The following CALCR variants were observed in gnomAD, a reference collection of about 807,000 sequenced individuals.
CALCR encodes calcitonin receptor.
Under a neutral mutation model 59.5 loss-of-function variants are expected in CALCR, and 47 were observed. That is an observed-to-expected ratio of 0.79 (90% CI 0.63 to 1.01). The LOEUF is 1.01. Among genes scored for constraint, CALCR ranks in the 50% least tolerant of loss-of-function variants. The probability of loss-of-function intolerance (pLI) is 0.00; values close to 1 mark genes in which losing one functional copy is unlikely to be tolerated. For synonymous variants in CALCR, 213 were observed against 211.3 expected (o/e 1.01, Z -0.07); for missense variants, 566 against 597.1 (o/e 0.95, Z 0.54).
chr7:93,518,674 A>G (rs1247724541), intron 2 of CALCR, among the ~76,000 whole-genome samples: 1 of 151,972 alleles, frequency 6.6e-6, no homozygotes, highest in Non-Finnish European at 1.5e-5. Context: ...AGAAACAGCA[A>G]AAAACTAGAA....
chr7:93,495,075 G>A (rs546762053), intron 2 of CALCR, among the ~76,000 whole-genome samples: 55 of 151,460 alleles, frequency 3.6e-4, no homozygotes, highest in South Asian at 1.0e-3. Context: ...ACCTTCAGGA[G>A]AATAGCTGAC....
chr7:93,511,081 T>TTCTCTCTCTCTC (rs1210781088), intron 2 of CALCR, among the ~76,000 whole-genome samples: 3 of 143,294 alleles, frequency 2.1e-5, no homozygotes, highest in African/African-American at 7.7e-5. Flanking sequence ...CTCTCTCTCT[T>TTCTCTCTCTCTC]TCTCTCTCTC....
chr7:93,512,597 C>T (rs1243593498), intron 2 of CALCR, among the ~76,000 whole-genome samples: 3 of 152,108 alleles, frequency 2.0e-5, no homozygotes, highest in Admixed American at 6.6e-5. Context: ...CAGGGACATC[C>T]TCTTGCTTAA....
chr7:93,532,179 C>T (rs981355294), intron 2 of CALCR, among the ~76,000 whole-genome samples: 1 of 151,860 alleles, frequency 6.6e-6, no homozygotes, highest in African/African-American at 2.4e-5. Context: ...TTCAAAAGTT[C>T]CCTCTTTTTC....
intron 8 of CALCR, among the ~76,000 whole-genome samples, chr7:93,447,417 T>C (rs978070514): frequency 5.9e-5 from 9 of 151,884 alleles, no homozygotes; most frequent in Admixed American, 5.9e-4. Context: ...TAGCAAAGAG[T>C]GCCTCCAAAT....
intron 3 of CALCR, 44 bp from the exon 4 acceptor site, chr7:93,479,551 G>A: frequency 1.3e-6 from 2 of 1,537,438 alleles, no homozygotes; most frequent in Non-Finnish European, 8.8e-7. Context: ...CAGGAGGAAT[G>A]GGTGAGCACA....
chr7:93,434,403 G>C, intron 12 of CALCR, 109 bp from the exon 13 acceptor site: 1 of 612,592 alleles, frequency 1.6e-6, no homozygotes, highest in Non-Finnish European at 2.8e-6. Context: ...AAAAAAAAAA[G>C]CAAGAAAAAG....
intron 8 of CALCR, among the ~76,000 whole-genome samples, chr7:93,459,749 A>G (rs546810162): frequency 6.6e-6 from 1 of 152,186 alleles, no homozygotes; most frequent in Non-Finnish European, 1.5e-5. Flanking sequence ...GAGTATAAAG[A>G]GAGAAGACTG....
chr7:93,429,936 T>TG (rs1458778565), intron 13 of CALCR, among the ~76,000 whole-genome samples: 4 of 107,850 alleles, frequency 3.7e-5, no homozygotes, highest in African/African-American at 1.4e-4. Flanking sequence ...GTTTGTTTGT[T>TG]TTTTTGTTTT....
At chr7:93,463,746 C>T (rs2299249) in intron 7 of CALCR, among the ~76,000 whole-genome samples, 61,079 of 151,714 alleles carry the variant, frequency 0.4, 12,990 homozygotes, top group South Asian at 0.49. Flanking sequence ...ATCCTCAGTA[C>T]AAATACGTCG....
chr7:93,488,169 G>A (rs1264588201), intron 2 of CALCR, among the ~76,000 whole-genome samples: 3 of 151,670 alleles, frequency 2.0e-5, no homozygotes, highest in Non-Finnish European at 3.0e-5. Flanking sequence ...AGCTTCATAA[G>A]CGAAGAAGAA....
chr7:93,574,566 G>A (rs906292277), intron 1 of CALCR, 60 bp from the exon 2 acceptor site: 7 of 152,272 alleles, frequency 4.6e-5, no homozygotes, highest in African/African-American at 1.7e-4. Flanking sequence ...CCCCTCTCCT[G>A]GTTTTCTGAC....
At chr7:93,523,429 T>C (rs889667690) in intron 2 of CALCR, among the ~76,000 whole-genome samples, 2 of 152,190 alleles carry the variant, frequency 1.3e-5, no homozygotes, top group African/African-American at 4.8e-5. Flanking sequence ...TTAGTTCCTC[T>C]CCTGGACTGT....
intron 9 of CALCR, among the ~76,000 whole-genome samples, chr7:93,443,032 C>T (rs961863130): frequency 6.6e-6 from 1 of 152,028 alleles, no homozygotes; most frequent in African/African-American, 2.4e-5. Context: ...ACAGCTTAAA[C>T]AATCCAGCCC....
rs1400481140 is a variant in CALCR at position 93,426,330 on chromosome 7, A to C, written c.*26T>G. On this transcript the variant is annotated 3_prime_UTR_variant, in exon 14 of 14. Transcript: ENST00000426151. ...TCTCCCAGGAAATGATGGCTCAGTG[A>C]TCACGATGCTGTGTTTGCTTCACAT... 16 of 1,293,534 alleles carry C rather than the reference A, an allele frequency of 1.2e-5. No homozygotes were observed. Among genetic ancestry groups the C allele is most frequent in the Non-Finnish European group, 1.8e-5 (16 of 888,698 alleles). 80.1% of individuals were successfully genotyped at this position (1,293,534 alleles called of 1,614,324 possible). A position where few individuals can be genotyped will look rare whatever the true frequency, so the allele number is the denominator to read the frequency against.
intron 2 of CALCR, among the ~76,000 whole-genome samples, chr7:93,537,717 C>T (rs1789027568): frequency 6.6e-6 from 1 of 151,702 alleles, no homozygotes; most frequent in Non-Finnish European, 1.5e-5. Flanking sequence ...TGTGTATACA[C>T]ACACACACAC....
At chr7:93,569,821 A>G (rs1041387966) in intron 2 of CALCR, among the ~76,000 whole-genome samples, 1 of 152,028 alleles carries the variant, frequency 6.6e-6, no homozygotes, top group African/African-American at 2.4e-5. Context: ...TAAGATTTGA[A>G]ATGTTGAATT....
At chr7:93,518,252 A>G (rs1350923911) in intron 2 of CALCR, among the ~76,000 whole-genome samples, 1 of 151,838 alleles carries the variant, frequency 6.6e-6, no homozygotes, top group South Asian at 2.1e-4. Context: ...ACATAAAAAA[A>G]TCAAGAACTG....
intron 7 of CALCR, among the ~76,000 whole-genome samples, chr7:93,466,185 C>G (rs145932291): frequency 6.6e-6 from 1 of 151,740 alleles, no homozygotes; most frequent in African/African-American, 2.4e-5. Flanking sequence ...ATATTTTTTG[C>G]TCAGGTTGCA....
Sources: gnomAD v4.1 joint callset for allele counts (sites outside exome capture counted in the v4.1 genomes callset) on GRCh38, gnomAD v4.1.1 for gene constraint, MANE v1.5 for transcripts, NCBI Gene and HGNC (gene_info 2026-07-23, HGNC 2026-07-21) for gene names.